Variants in SVIL observed in about 807,000 individuals in gnomAD.
SVIL encodes archvillin.
In SVIL, 101 loss-of-function variants were observed where a neutral mutation model predicts 240.4. That is an observed-to-expected ratio of 0.42 (90% confidence interval 0.36 to 0.50). SVIL has a LOEUF of 0.50. SVIL is among the 20% of genes least tolerant of loss of function. SVIL has a pLI of 0.01. For synonymous variants in SVIL, 999 were observed against 1,100.0 expected (o/e 0.91, Z 1.82); for missense variants, 2,512 against 2,818.7 (o/e 0.89, Z 2.46).
chr10:29,469,593 G>A (rs956214099), intron 32 of SVIL, among the ~76,000 whole-genome samples: 18 of 152,266 alleles, frequency 1.2e-4, no homozygotes, highest in African/African-American at 3.9e-4. Context: ...CCACCTTACC[G>A]GGGGGGCCGG....
intron 1 of SVIL, among the ~76,000 whole-genome samples, chr10:29,619,779 T>C (rs909800313): frequency 1.3e-5 from 2 of 152,260 alleles, no homozygotes; most frequent in Admixed American, 1.3e-4. Context: ...AAAATCAAAC[T>C]CGATTGTCAT....
chr10:29,510,104 A>G (rs1251001366), intron 17 of SVIL, among the ~76,000 whole-genome samples: 2 of 152,136 alleles, frequency 1.3e-5, no homozygotes, highest in Non-Finnish European at 2.9e-5. Context: ...ACGTTGCCCA[A>G]GCTGGTCTAA....
At chr10:29,647,260 G>A (rs1958689257) in intron 3 of SVIL, 1 of 152,160 alleles carries the variant, frequency 6.6e-6, no homozygotes, top group Non-Finnish European at 1.5e-5. Flanking sequence ...AAGTGCACTG[G>A]GAAAGTTGGT....
intron 2 of SVIL, among the ~76,000 whole-genome samples, chr10:29,677,942 G>A (rs2132577427): frequency 6.6e-6 from 1 of 152,244 alleles, no homozygotes; most frequent in East Asian, 1.9e-4. Flanking sequence ...CTGCCTACCT[G>A]CCCTCAGTCT....
chr10:29,599,422 A>C (rs985591185), intron 1 of SVIL, among the ~76,000 whole-genome samples: 6 of 144,526 alleles, frequency 4.2e-5, no homozygotes, highest in Admixed American at 1.4e-4. Flanking sequence ...TTGTTTTAAA[A>C]CTTTTTTTTT....
intron 6 of SVIL, among the ~76,000 whole-genome samples, chr10:29,538,395 G>A (rs369543718): frequency 6.6e-6 from 1 of 152,216 alleles, no homozygotes; most frequent in Non-Finnish European, 1.5e-5. Context: ...TACCACCAGG[G>A]TGGTGAATAC....
At chr10:29,697,525 C>A (rs934892036) in intron 1 of SVIL, among the ~76,000 whole-genome samples, 5 of 91,706 alleles carry the variant, frequency 5.5e-5, no homozygotes, top group Non-Finnish European at 1.0e-4. Flanking sequence ...ACCCCCAACC[C>A]TGTGCTCTCT....
rs147872123 is a variant in SVIL at position 29,667,961 on chromosome 10, C to T, written c.-300-9893G>A. Among the ~76,000 whole-genome samples the T allele has an allele frequency of 4.9e-3, 739 of 152,136 alleles. 6 individuals are homozygous for T. The highest frequency in any genetic ancestry group is 0.027 in the South Asian group (132 of 4,812). ...CTAAAAGCAGCTCAGAGAAATGATG[C>T]CAATAAAATTATCTCATGGAATAGG... On this transcript the variant is annotated intron_variant, in intron 2 of 35. Coordinates refer to the SVIL transcript ENST00000375400.
At chr10:29,713,814 G>A (rs1405273962) in intron 1 of SVIL, among the ~76,000 whole-genome samples, 1 of 152,190 alleles carries the variant, frequency 6.6e-6, no homozygotes, top group Non-Finnish European at 1.5e-5. Context: ...TCCAAAAGAG[G>A]GAGAGTTTCC....
At chr10:29,630,168 G>C (rs1042202904) in intron 1 of SVIL, among the ~76,000 whole-genome samples, 5 of 152,068 alleles carry the variant, frequency 3.3e-5, no homozygotes, top group African/African-American at 7.2e-5. Context: ...TACGCTATAG[G>C]CTTCTGCATC....
chr10:29,477,352 A>G (rs576177604), intron 29 of SVIL, among the ~76,000 whole-genome samples: 2 of 152,272 alleles, frequency 1.3e-5, no homozygotes, highest in South Asian at 2.1e-4. Context: ...CTAGACATCT[A>G]TCAGGCCCTG....
chr10:29,552,779 T>A (rs2132653939), intron 5 of SVIL, among the ~76,000 whole-genome samples: 1 of 152,266 alleles, frequency 6.6e-6, no homozygotes, highest in Middle Eastern at 3.4e-3. Context: ...GAGTTTGGTA[T>A]GAATTGAGAA....
chr10:29,496,547 C>T (rs868749894), intron 18 of SVIL: 8 of 371,004 alleles, frequency 2.2e-5, no homozygotes, highest in African/African-American at 1.7e-4. Context: ...CGGGCAAACC[C>T]CGCTGCCATG....
At chr10:29,704,547 T>C (rs1962758527) in intron 1 of SVIL, among the ~76,000 whole-genome samples, 1 of 152,140 alleles carries the variant, frequency 6.6e-6, no homozygotes, top group Admixed American at 6.5e-5. Flanking sequence ...TCTTTTTTAA[T>C]CCTCCAAAGC....
chr10:29,629,954 T>A (rs1161020302), intron 1 of SVIL, among the ~76,000 whole-genome samples: 4 of 138,432 alleles, frequency 2.9e-5, no homozygotes, highest in Admixed American at 7.7e-5. Context: ...CATTCCAACC[T>A]GGGTGACCAG....
At chr10:29,632,488 C>T (rs1958136932) in intron 1 of SVIL, among the ~76,000 whole-genome samples, 1 of 143,400 alleles carries the variant, frequency 7.0e-6, no homozygotes, top group African/African-American at 2.6e-5. Context: ...AAGACTCCAT[C>T]TCAAAAAAAA....
At chr10:29,482,571 T>C (rs1947003673) in intron 27 of SVIL, among the ~76,000 whole-genome samples, 1 of 152,146 alleles carries the variant, frequency 6.6e-6, no homozygotes, top group African/African-American at 2.4e-5. Context: ...GTCACTAAAA[T>C]GAACACACTT....
At position 29,471,030 on chromosome 10, in the gene SVIL, C is replaced by T. The variant is rs1264362617; in HGVS notation, c.5635+108G>A. The T allele has an allele frequency of 9.9e-5, 104 of 1,050,448 alleles. No individual in the cohort carries two copies. In the South Asian group the frequency reaches 1.3e-3, roughly 13 times the overall value. 65.1% of individuals were successfully genotyped at this position (1,050,448 alleles called of 1,614,324 possible). A position where few individuals can be genotyped will look rare whatever the true frequency, so the allele number is the denominator to read the frequency against. Reference sequence around the variant, plus strand: ...CAAACATCAGGAGGCTTTCAGAGGTCGAGCCACAGCTAGATGAAGACAGAC... The same window carrying T: ...CAAACATCAGGAGGCTTTCAGAGGTTGAGCCACAGCTAGATGAAGACAGAC... On this transcript the variant is annotated intron_variant, in intron 31 of 37. Transcript: ENST00000355867.
chr10:29,512,983 C>T, intron 16 of SVIL, 122 bp from the exon 17 acceptor site: 1 of 1,369,830 alleles, frequency 7.3e-7, no homozygotes, highest in Non-Finnish European at 9.8e-7. Context: ...CTCGTTTTAA[C>T]ATTTTGAATT....
Sources: gnomAD v4.1 joint callset for allele counts (sites outside exome capture counted in the v4.1 genomes callset) on GRCh38, gnomAD v4.1.1 for gene constraint, MANE v1.5 for transcripts, NCBI Gene and HGNC (gene_info 2026-07-23, HGNC 2026-07-21) for gene names.